SNTG1: variants seen among roughly 807,000 people sequenced by gnomAD.
The protein encoded by SNTG1 is gamma-1-syntrophin.
Under a neutral mutation model 74.7 loss-of-function variants are expected in SNTG1, and 39 were observed. The observed-to-expected ratio is 0.52, with a 90% CI of 0.40 to 0.68. SNTG1 has a LOEUF of 0.68. Ranked by LOEUF, SNTG1 falls within the 30% of genes least tolerant of loss-of-function variation. SNTG1 has a pLI of 0.00. For synonymous variants in SNTG1, 254 were observed against 217.1 expected (o/e 1.17, Z -1.49); for missense variants, 685 against 609.5 (o/e 1.12, Z -1.30).
intron 15 of SNTG1, among the ~76,000 whole-genome samples, chr8:50,701,718 C>T (rs1357526961): frequency 9.8e-5 from 2 of 20,500 alleles, no homozygotes; most frequent in Admixed American, 5.8e-4. Context: ...TCATCTTCCT[C>T]TTTTTCTTCT....
intron 2 of SNTG1, among the ~76,000 whole-genome samples, chr8:50,201,212 C>A (rs1330812876): frequency 6.6e-6 from 1 of 152,130 alleles, no homozygotes; most frequent in Non-Finnish European, 1.5e-5. Context: ...AGAGTTTTCT[C>A]ATTTATCTGT....
intron 1 of SNTG1, among the ~76,000 whole-genome samples, chr8:50,167,628 C>T (rs377650622): frequency 6.7e-6 from 1 of 148,900 alleles, no homozygotes; most frequent in African/African-American, 2.5e-5. Context: ...AAAACCTCAT[C>T]GCTACGAAAA....
At chr8:50,026,408 A>G (rs1157268074) in intron 1 of SNTG1, among the ~76,000 whole-genome samples, 1 of 152,178 alleles carries the variant, frequency 6.6e-6, no homozygotes, top group Non-Finnish European at 1.5e-5. Context: ...ATTGTAATAC[A>G]TGTCCAGCGA....
chr8:50,575,941 C>A (rs753251387), intron 12 of SNTG1, among the ~76,000 whole-genome samples: 1 of 151,864 alleles, frequency 6.6e-6, no homozygotes, highest in Non-Finnish European at 1.5e-5. Context: ...ATTGTTTTTT[C>A]TTTCCTTATT....
At chr8:50,204,937 T>C (rs2084148833) in intron 2 of SNTG1, among the ~76,000 whole-genome samples, 4 of 152,206 alleles carry the variant, frequency 2.6e-5, no homozygotes. Flanking sequence ...CCATGGTATA[T>C]ATGTGCCACA....
intron 8 of SNTG1, among the ~76,000 whole-genome samples, chr8:50,456,419 G>C (rs1428556042): frequency 6.6e-6 from 1 of 151,974 alleles, no homozygotes; most frequent in Non-Finnish European, 1.5e-5. Context: ...ATGGAGACTG[G>C]GAAGTCCAAG....
chr8:50,229,329 G>T (rs1394598971), intron 2 of SNTG1, among the ~76,000 whole-genome samples: 1 of 151,476 alleles, frequency 6.6e-6, no homozygotes, highest in Non-Finnish European at 1.5e-5. Context: ...GTATACCCAA[G>T]TGTATGCTGA....
At chr8:50,188,605 C>T (rs1474247262) in intron 2 of SNTG1, among the ~76,000 whole-genome samples, 1 of 152,064 alleles carries the variant, frequency 6.6e-6, no homozygotes, top group Non-Finnish European at 1.5e-5. Flanking sequence ...ATTTGGGACA[C>T]CTCTTCATGT....
chr8:50,209,112 C>T (rs1345850446), intron 2 of SNTG1, among the ~76,000 whole-genome samples: 2 of 152,262 alleles, frequency 1.3e-5, no homozygotes, highest in Admixed American at 1.3e-4. Context: ...ACCCATGGAG[C>T]CTCACTCACT....
At chr8:50,713,125 A>G (rs1333331939) in intron 17 of SNTG1, among the ~76,000 whole-genome samples, 1 of 152,180 alleles carries the variant, frequency 6.6e-6, no homozygotes, top group East Asian at 1.9e-4. Flanking sequence ...CCAACAGTAT[A>G]AAAGTATTCC....
chr8:50,174,995 G>C (rs1415169179), intron 2 of SNTG1, among the ~76,000 whole-genome samples: 2 of 151,768 alleles, frequency 1.3e-5, no homozygotes, highest in East Asian at 1.9e-4. Context: ...AGTTTGCTGA[G>C]AATGATGGTT....
intron 18 of SNTG1, 133 bp from the exon 19 acceptor site, chr8:50,792,538 G>T: frequency 2.1e-6 from 2 of 936,316 alleles, no homozygotes; most frequent in Non-Finnish European, 1.6e-6. Flanking sequence ...GTCTACATTT[G>T]AAATTAGTTT....
intron 18 of SNTG1, among the ~76,000 whole-genome samples, chr8:50,778,505 T>TG (rs1484547870): frequency 6.6e-6 from 1 of 152,060 alleles, no homozygotes; most frequent in Non-Finnish European, 1.5e-5. Context: ...TGTCTTCTTT[T>TG]GAGAAGTGTC....
intron 12 of SNTG1, among the ~76,000 whole-genome samples, chr8:50,582,284 T>C (rs2094615211): frequency 6.6e-6 from 1 of 152,216 alleles, no homozygotes; most frequent in Admixed American, 6.5e-5. Context: ...CAAATATTAA[T>C]TGAGCACCTA....
chr8:50,275,504 G>C (rs925012610), intron 2 of SNTG1, among the ~76,000 whole-genome samples: 3 of 152,118 alleles, frequency 2.0e-5, no homozygotes, highest in Admixed American at 6.6e-5. Context: ...CGCATTTACA[G>C]TAATCTAAGT....
chr8:50,576,672 C>A (rs1161010761), intron 12 of SNTG1, among the ~76,000 whole-genome samples: 1 of 151,310 alleles, frequency 6.6e-6, no homozygotes, highest in Admixed American at 6.6e-5. Context: ...ATAAGCGTTT[C>A]ACCTCTTACT....
chr8:50,194,211 C>T (rs1405756640), intron 2 of SNTG1, among the ~76,000 whole-genome samples: 1 of 152,068 alleles, frequency 6.6e-6, no homozygotes, highest in Non-Finnish European at 1.5e-5. Context: ...TTTCCTTCTT[C>T]CTCTATCTTG....
intron 1 of SNTG1, among the ~76,000 whole-genome samples, chr8:50,000,018 T>C (rs1814601687): frequency 6.6e-6 from 1 of 152,186 alleles, no homozygotes; most frequent in Admixed American, 6.5e-5. Context: ...CAATCCTTCT[T>C]CACTACAAGA....
At chr8:50,572,275 T>TATAG (rs567247331) in intron 12 of SNTG1, among the ~76,000 whole-genome samples, 31 of 148,372 alleles carry the variant, frequency 2.1e-4, no homozygotes, top group African/African-American at 7.0e-4. Flanking sequence ...TATATATATA[T>TATAG]AGAGAGAGAG....
Sources: allele counts gnomAD v4.1 joint callset (sites outside exome capture counted in the v4.1 genomes callset), GRCh38; gene constraint gnomAD v4.1.1; transcripts MANE v1.5; gene names NCBI Gene and HGNC (gene_info 2026-07-23, HGNC 2026-07-21).